The following WWOX variants were observed in gnomAD, a reference collection of about 807,000 sequenced individuals.
WWOX encodes WW domain-containing oxidoreductase.
Under a neutral mutation model 46.2 loss-of-function variants are expected in WWOX, and 69 were observed. The ratio of observed to expected loss-of-function variants is 1.49; its 90% CI spans 1.23 to 1.82. WWOX has a LOEUF of 1.82. Among genes scored for constraint, WWOX ranks in the 40% most tolerant of loss-of-function variants. WWOX has a pLI of 0.00. For missense variants in WWOX, 919 were observed against 542.6 expected (o/e 1.69, Z -6.89); for synonymous variants, 359 against 202.6 (o/e 1.77, Z -6.56).
chr16:78,563,010 CT>C lies in WWOX; in HGVS notation c.1056+130259del, dbSNP rs1232544175. Among the ~76,000 whole-genome samples, 8 of 151,964 alleles carry C rather than the reference CT, an allele frequency of 5.3e-5. No homozygotes were observed. In the East Asian group the frequency reaches 5.8e-4, roughly 11 times the overall value. ...TCTTTTTTTTTTTTAATCCCTCCCC[CT>C]ATCTTTCTTTCTTTGCACCCACGAT... On this transcript the variant is annotated intron_variant, in intron 8 of 8. Coordinates refer to ENST00000566780, the MANE Select transcript of WWOX (RefSeq NM_016373.4).
chr16:78,994,196 G>C (rs112038462), intron 8 of WWOX: 1 of 151,882 alleles, frequency 6.6e-6, no homozygotes, highest in Admixed American at 6.6e-5. Flanking sequence ...CTCCTTATAG[G>C]CCTTCTTGTT....
intron 5 of WWOX, among the ~76,000 whole-genome samples, chr16:78,191,429 C>G (rs1191667906): frequency 6.6e-6 from 1 of 152,164 alleles, no homozygotes; most frequent in Non-Finnish European, 1.5e-5. Flanking sequence ...TAATGAGTTT[C>G]TACTATATTT....
intron 8 of WWOX, among the ~76,000 whole-genome samples, chr16:78,611,355 G>A (rs1309700835): frequency 1.3e-5 from 2 of 152,342 alleles, no homozygotes; most frequent in African/African-American, 4.8e-5. Context: ...ACTACAGGAG[G>A]TTGAGGATGG....
At position 78,941,536 on chromosome 16, in the gene WWOX, G is replaced by A. The variant is rs184847993; in HGVS notation, c.1057-270072G>A. ...GTTCATAGTAGTCCTGTATGAAGCTGGGGACGGGGGGATAGAGTTATGAAA... is the reference window on the plus strand; with the variant it reads ...GTTCATAGTAGTCCTGTATGAAGCTAGGGACGGGGGGATAGAGTTATGAAA... On this transcript the variant is annotated intron_variant, in intron 8 of 8. Transcript: ENST00000566780. 4.4e-3 allele frequency among the ~76,000 whole-genome samples: 675 copies of A among 151,870 alleles called. 3 individuals carry two copies. Among genetic ancestry groups the A allele is most frequent in the African/African-American group, 0.016 (645 of 41,402 alleles).
chr16:78,724,868 C>A (rs936727679), intron 8 of WWOX, among the ~76,000 whole-genome samples: 1 of 152,174 alleles, frequency 6.6e-6, no homozygotes, highest in Non-Finnish European at 1.5e-5. Flanking sequence ...TCCTCAAGGG[C>A]AATTGTGTTG....
intron 8 of WWOX, among the ~76,000 whole-genome samples, chr16:79,043,783 C>A (rs2048016423): frequency 6.6e-6 from 1 of 152,144 alleles, no homozygotes; most frequent in African/African-American, 2.4e-5. Context: ...TTTCTCTGGT[C>A]CTCAGTTTTG....
chr16:78,827,307 G>C (rs535621706), intron 8 of WWOX, among the ~76,000 whole-genome samples: 1 of 152,238 alleles, frequency 6.6e-6, no homozygotes, highest in African/African-American at 2.4e-5. Context: ...TGACATCAAA[G>C]CACCATGTGT....
At chr16:78,569,663 T>A (rs2044664754) in intron 8 of WWOX, among the ~76,000 whole-genome samples, 1 of 152,234 alleles carries the variant, frequency 6.6e-6, no homozygotes, top group South Asian at 2.1e-4. Flanking sequence ...CATAACATTT[T>A]TATTAAACTC....
intron 8 of WWOX, among the ~76,000 whole-genome samples, chr16:79,105,703 C>G (rs144497605): frequency 1.5e-3 from 228 of 150,900 alleles, no homozygotes; most frequent in African/African-American, 5.4e-3. Flanking sequence ...CACTCTGTCA[C>G]TCAGGCTGGA....
chr16:79,114,746 G>C (rs1242306739), intron 8 of WWOX, among the ~76,000 whole-genome samples: 1 of 152,138 alleles, frequency 6.6e-6, no homozygotes, highest in East Asian at 1.9e-4. Context: ...AAACCAAGGG[G>C]AGCTAAAGAT....
At chr16:78,473,660 CG>C (rs1164870120) in intron 8 of WWOX, among the ~76,000 whole-genome samples, 1 of 152,092 alleles carries the variant, frequency 6.6e-6, no homozygotes, top group Non-Finnish European at 1.5e-5. Context: ...TGATATGGAG[CG>C]TTTTTTTTGG....
chr16:78,435,609 T>G (rs984483884), intron 8 of WWOX, among the ~76,000 whole-genome samples: 1 of 152,062 alleles, frequency 6.6e-6, no homozygotes, highest in African/African-American at 2.4e-5. Context: ...GGAGGGGCAC[T>G]CATAGAAAGG....
At chr16:78,333,360 G>C (rs1018473819) in intron 5 of WWOX, among the ~76,000 whole-genome samples, 4 of 151,910 alleles carry the variant, frequency 2.6e-5, no homozygotes, top group African/African-American at 9.7e-5. Flanking sequence ...ATTTTCTATG[G>C]TGTGTGTTAC....
At chr16:79,138,570 A>C (rs1384553926) in intron 8 of WWOX, among the ~76,000 whole-genome samples, 1 of 152,190 alleles carries the variant, frequency 6.6e-6, no homozygotes, top group Admixed American at 6.5e-5. Flanking sequence ...AGTCTTGATT[A>C]GGCCCGTTAT....
chr16:78,711,005 C>T (rs910204237), intron 8 of WWOX, among the ~76,000 whole-genome samples: 4 of 152,256 alleles, frequency 2.6e-5, no homozygotes, highest in South Asian at 2.1e-4. Context: ...AAATAACTTA[C>T]ATGTTTGTCA....
At chr16:78,653,673 G>A (rs898999267) in intron 8 of WWOX, among the ~76,000 whole-genome samples, 1 of 152,218 alleles carries the variant, frequency 6.6e-6, no homozygotes, top group Non-Finnish European at 1.5e-5. Context: ...GGAGCAAGTG[G>A]AAAGAACCTG....
intron 5 of WWOX, among the ~76,000 whole-genome samples, chr16:78,169,834 G>T (rs1011458140): frequency 6.6e-6 from 1 of 152,104 alleles, no homozygotes; most frequent in Non-Finnish European, 1.5e-5. Context: ...ATTGTTATGA[G>T]TAACCAATGT....
rs979017620 is a variant in WWOX at position 78,681,651 on chromosome 16, C to G, written c.1056+248899C>G. 2.0e-5 allele frequency among the ~76,000 whole-genome samples: 3 copies of G among 152,132 alleles called. No homozygotes were observed. The East Asian group carries it at 5.8e-4, about 29-fold the overall frequency. ...AGGTTTGAGAGTTCCTGCTCCTGATCTCAGGGGAATCCTGAATTACAGGTG... is the reference window on the plus strand; with the variant it reads ...AGGTTTGAGAGTTCCTGCTCCTGATGTCAGGGGAATCCTGAATTACAGGTG... On this transcript the variant is annotated intron_variant, in intron 8 of 8. Transcript: ENST00000566780.
intron 5 of WWOX, among the ~76,000 whole-genome samples, chr16:78,195,125 G>A (rs555469764): frequency 4.6e-4 from 70 of 152,264 alleles, no homozygotes; most frequent in Middle Eastern, 3.4e-3. Flanking sequence ...TCCATCCCCA[G>A]TTCCTTGGTG....
Sources: gnomAD v4.1 joint callset for allele counts (sites outside exome capture counted in the v4.1 genomes callset) on GRCh38, gnomAD v4.1.1 for gene constraint, MANE v1.5 for transcripts, NCBI Gene and HGNC (gene_info 2026-07-23, HGNC 2026-07-21) for gene names.